NOC3L: variants seen among roughly 807,000 people sequenced by gnomAD.
NOC3L encodes NOC3 like DNA replication regulator.
In NOC3L, 85 loss-of-function variants were observed where a neutral mutation model predicts 102.5. That is an observed-to-expected ratio of 0.83 (90% CI 0.70 to 0.99). The LOEUF (loss-of-function observed/expected upper bound fraction) is 0.99, where lower values mean the gene tolerates loss of function less well. Among genes scored for constraint, NOC3L ranks in the 50% least tolerant of loss-of-function variants. The pLI is 0.00. For synonymous variants in NOC3L, 303 were observed against 309.4 expected (o/e 0.98, Z 0.22); for missense variants, 878 against 914.9 (o/e 0.96, Z 0.52).
intron 8 of NOC3L, 134 bp downstream of exon 8, chr10:94,352,176 C>T: frequency 1.9e-6 from 1 of 528,682 alleles, no homozygotes; most frequent in Non-Finnish European, 3.3e-6. Flanking sequence ...AGGATTTGAC[C>T]CCTGGAAGTC....
At chr10:94,352,237 G>A (rs906160939) in intron 8 of NOC3L, 73 bp downstream of exon 8, 10 of 1,046,110 alleles carry the variant, frequency 9.6e-6, no homozygotes, top group Non-Finnish European at 1.5e-5. Context: ...ACACAACACA[G>A]AACACTGTAC....
the NOC3L span, among the ~76,000 whole-genome samples, chr10:94,323,515 G>A: frequency 6.6e-6 from 1 of 152,084 alleles, no homozygotes; most frequent in African/African-American, 2.4e-5. Context: ...GACTATTCCC[G>A]TTGGCTCCAG....
In NOC3L at chr10:94,341,735, G is replaced by A. The variant is rs2054288185; in HGVS notation, c.1582C>T (p.Leu528Phe). The change falls in exon 14 of 21, where the codon CTT becomes TTT. Residue 528 changes from leucine (L) to phenylalanine (F), a missense_variant. Transcript: ENST00000371361. ...TCATCAAAAAATTCCACATTTATAA[G>A]GTGAGCAAACCTGGAATCAAACAAA... ...VLEGLAKFAH[L>F]INVEFFDDLL... is the part of the protein sequence containing the mutation. 2 of 1,558,012 alleles carry A rather than the reference G, an allele frequency of 1.3e-6. No homozygotes were observed. The highest frequency in any genetic ancestry group is 1.8e-5 in the Admixed American group (1 of 55,540).
rs144160209 is a variant in NOC3L at position 94,341,983 on chromosome 10, T to G, written c.1572-238A>C. Among the ~76,000 whole-genome samples, 245 of 152,270 alleles carry G rather than the reference T, an allele frequency of 1.6e-3. 2 individuals are homozygous for G. Among genetic ancestry groups the G allele is most frequent in the African/African-American group, 5.6e-3 (233 of 41,564 alleles). ...AGGCACTGAACAAACCAAAAATATT[T>G]CAAAAATCCTTCTGCACTGAGAAAG... On this transcript the variant is annotated intron_variant, in intron 13 of 20. Transcript: ENST00000371361.
intron 2 of NOC3L, among the ~76,000 whole-genome samples, chr10:94,360,556 GC>G (rs1310419661): frequency 1.3e-5 from 2 of 152,020 alleles, no homozygotes; most frequent in African/African-American, 4.8e-5. Context: ...GTTACCACTG[GC>G]TGGGAAAGGC....
intron 2 of NOC3L, chr10:94,361,438 CA>C (rs2134016655): frequency 2.0e-6 from 1 of 508,012 alleles, no homozygotes; most frequent in South Asian, 3.1e-5. Flanking sequence ...GCCTTCCAGA[CA>C]AACTAAAAGC....
intron 7 of NOC3L, 128 bp from the exon 8 acceptor site, chr10:94,352,531 A>G: frequency 3.1e-6 from 2 of 650,494 alleles, no homozygotes; most frequent in Non-Finnish European, 5.3e-6. Flanking sequence ...AAAACGCGGC[A>G]GTCGTTTAGG....
chr10:94,350,590 C>T lies in NOC3L; in HGVS notation c.953-302G>A, dbSNP rs562372405. ...TTAGCCAGGCATGGTGGGTGGCACACGCCTGTAGTCCCAGCTATTCAGGAG... is the reference window on the plus strand; with the variant it reads ...TTAGCCAGGCATGGTGGGTGGCACATGCCTGTAGTCCCAGCTATTCAGGAG... On this transcript the variant is annotated intron_variant, in intron 8 of 20. Coordinates refer to ENST00000371361, the MANE Select transcript of NOC3L (RefSeq NM_022451.11). 4.6e-5 allele frequency among the ~76,000 whole-genome samples: 7 copies of T among 151,656 alleles called. No individual in the cohort carries two copies. In the East Asian group the frequency reaches 9.7e-4, roughly 21 times the overall value.
chr10:94,350,412 T>TA, intron 8 of NOC3L, 124 bp from the exon 9 acceptor site: 4 of 821,348 alleles, frequency 4.9e-6, no homozygotes, highest in Non-Finnish European at 7.8e-6. Flanking sequence ...CCACACCCCT[T>TA]AAAAAAAGAC....
intron 2 of NOC3L, among the ~76,000 whole-genome samples, chr10:94,360,361 C>T (rs1211384591): frequency 2.0e-5 from 3 of 152,060 alleles, no homozygotes; most frequent in Admixed American, 6.5e-5. Context: ...GGTACATGTA[C>T]ACAATGTAGT....
intron 13 of NOC3L, among the ~76,000 whole-genome samples, chr10:94,343,462 C>A (rs1478180309): frequency 6.6e-6 from 1 of 152,196 alleles, no homozygotes; most frequent in Non-Finnish European, 1.5e-5. Flanking sequence ...AGATTTTTAA[C>A]CACAAGGACC....
intron 10 of NOC3L, among the ~76,000 whole-genome samples, chr10:94,347,793 G>GA (rs905657983): frequency 6.6e-6 from 1 of 151,856 alleles, no homozygotes; most frequent in Non-Finnish European, 1.5e-5. Flanking sequence ...TTCTTGAATA[G>GA]AAAAAAATCA....
intron 6 of NOC3L, among the ~76,000 whole-genome samples, chr10:94,353,285 G>C (rs753409826): frequency 8.5e-5 from 13 of 152,318 alleles, no homozygotes; most frequent in Non-Finnish European, 1.5e-4. Flanking sequence ...AAATGCCTGA[G>C]GCTGGATAAT....
chr10:94,320,328 A>G, the NOC3L span, among the ~76,000 whole-genome samples: 1 of 152,072 alleles, frequency 6.6e-6, no homozygotes, highest in Non-Finnish European at 1.5e-5. Flanking sequence ...ACTCATTGAA[A>G]AAAGTTAAAA....
At chr10:94,352,796 T>C (rs928824909) in intron 7 of NOC3L, 100 bp downstream of exon 7, 4 of 1,015,534 alleles carry the variant, frequency 3.9e-6, no homozygotes, top group Admixed American at 2.5e-5. Flanking sequence ...CACTCTAGTC[T>C]GGGCGACAGA....
the NOC3L span, chr10:94,316,727 G>T: frequency 6.2e-7 from 1 of 1,613,940 alleles, no homozygotes; most frequent in Middle Eastern, 1.6e-4. Context: ...GGGATACATG[G>T]GCAGGATTGT....
rs150154801 is a variant in NOC3L at position 94,348,324 on chromosome 10, T to C, written c.1257+926A>G. On this transcript the variant is annotated intron_variant, in intron 10 of 20. Coordinates refer to ENST00000371361, the MANE Select transcript of NOC3L (RefSeq NM_022451.11). ...AGGAGACTATGTGCATAACAAAAAA[T>C]ATAGCTTCATATATAAGGCTGAACA... Among the ~76,000 whole-genome samples, 278 of 151,738 alleles carry C rather than the reference T, an allele frequency of 1.8e-3. 1 individual carries two copies. Among genetic ancestry groups the C allele is most frequent in the Admixed American group, 3.5e-3 (53 of 15,236 alleles).
In NOC3L at chr10:94,339,795, G is replaced by T; in HGVS notation, c.1906C>A (p.His636Asn). 3 of 1,614,068 alleles carry T rather than the reference G, an allele frequency of 1.9e-6. No individual in the cohort carries two copies. Among genetic ancestry groups the T allele is most frequent in the East Asian group, 4.5e-5 (2 of 44,884 alleles). The change falls in exon 17 of 21, where the codon CAT becomes AAT. Residue 636 changes from histidine to asparagine, a missense_variant. Coordinates refer to ENST00000371361, the MANE Select transcript of NOC3L (RefSeq NM_022451.11). ...FIKRLCTLAL[H>N]VLPNSSIGIL... ...CCAATACTTGAATTTGGAAGAACAT[G>T]AAGAGCAAGGGTACAAAGGCGTTTG...
At chr10:94,327,115 T>C in the NOC3L span, among the ~76,000 whole-genome samples, 1 of 151,708 alleles carries the variant, frequency 6.6e-6, no homozygotes, top group Admixed American at 6.6e-5. Context: ...TGAGCCGAGA[T>C]TGCGCCACTG....
Sources: allele counts gnomAD v4.1 joint callset (sites outside exome capture counted in the v4.1 genomes callset), GRCh38; gene constraint gnomAD v4.1.1; transcripts MANE v1.5; gene names NCBI Gene and HGNC (gene_info 2026-07-23, HGNC 2026-07-21).